TANGO6: variants seen among roughly 807,000 people sequenced by gnomAD.
TANGO6 encodes the protein transport and Golgi organization protein 6 homolog.
TANGO6 carries 90 observed loss-of-function variants against 114.2 expected under a neutral mutation model. The ratio of observed to expected loss-of-function variants is 0.79; its 90% CI spans 0.66 to 0.94. The LOEUF is 0.94. Among genes scored for constraint, TANGO6 ranks in the 40% least tolerant of loss-of-function variants. TANGO6 has a pLI of 0.00. For synonymous variants in TANGO6, 477 were observed against 509.8 expected, an observed-to-expected ratio of 0.94 and a Z score of 0.87; for missense variants, 1,274 against 1,315.3, an observed-to-expected ratio of 0.97 and a Z score of 0.49.
chr16:69,028,987 A>G (rs1489414800), intron 16 of TANGO6, among the ~76,000 whole-genome samples: 1 of 152,204 alleles, frequency 6.6e-6, no homozygotes, highest in Non-Finnish European at 1.5e-5. Context: ...ATGAACCTGA[A>G]CAATACCTGA....
At chr16:68,970,378 A>G (rs952750886) in intron 14 of TANGO6, among the ~76,000 whole-genome samples, 8 of 152,094 alleles carry the variant, frequency 5.3e-5, no homozygotes, top group African/African-American at 1.9e-4. Context: ...GGAATAAACA[A>G]CAGTAAGGGC....
At chr16:69,004,227 T>C (rs1169054969) in intron 15 of TANGO6, among the ~76,000 whole-genome samples, 1 of 152,204 alleles carries the variant, frequency 6.6e-6, no homozygotes, top group African/African-American at 2.4e-5. Context: ...TAAATACACG[T>C]AAACACAGCT....
In TANGO6 at chr16:69,019,598, TG is replaced by T. The variant is rs1265693932; in HGVS notation, c.2843-3229del. Among the ~76,000 whole-genome samples the T allele has an allele frequency of 2.0e-5, 3 of 152,358 alleles. No individual in the cohort carries two copies. The East Asian group carries it at 5.8e-4, about 29-fold the overall frequency. ...CAAAGTCATGCTTTCGAGCAACCTC[TG>T]CTTGACTCTGTGACAGCATTTGCCA... On this transcript the variant is annotated intron_variant, in intron 15 of 17. Coordinates refer to ENST00000261778, the MANE Select transcript of TANGO6 (RefSeq NM_024562.2).
intron 3 of TANGO6, 103 bp from the exon 4 acceptor site, chr16:68,866,976 T>A (rs1032642006): frequency 6.8e-5 from 5 of 73,034 alleles, no homozygotes; most frequent in Non-Finnish European, 1.3e-4. Flanking sequence ...CTATTTCTCC[T>A]TTTTTTTTTT....
intron 17 of TANGO6, among the ~76,000 whole-genome samples, chr16:69,061,349 G>A (rs930116267): frequency 3.3e-5 from 5 of 151,972 alleles, no homozygotes; most frequent in African/African-American, 9.7e-5. Flanking sequence ...TGGATCACCT[G>A]AGGGTCAGGA....
intron 9 of TANGO6, among the ~76,000 whole-genome samples, chr16:68,903,343 G>C (rs1342951731): frequency 1.3e-5 from 2 of 152,154 alleles, no homozygotes; most frequent in Non-Finnish European, 2.9e-5. Context: ...TTTTGGCCAG[G>C]CACGGTGGCT....
intron 16 of TANGO6, among the ~76,000 whole-genome samples, chr16:69,027,025 G>A (rs1959513232): frequency 6.6e-6 from 1 of 152,154 alleles, no homozygotes; most frequent in Admixed American, 6.5e-5. Flanking sequence ...ACCATGCCCA[G>A]CTAATTTTTG....
intron 3 of TANGO6, among the ~76,000 whole-genome samples, chr16:68,866,391 A>AG (rs1187490420): frequency 5.3e-5 from 8 of 151,748 alleles, no homozygotes; most frequent in Admixed American, 1.3e-4. Context: ...TGGGAGGCCG[A>AG]GGCGGGTGGA....
intron 15 of TANGO6, among the ~76,000 whole-genome samples, chr16:68,994,744 TA>T (rs200683230): frequency 1.1e-4 from 17 of 149,414 alleles, no homozygotes; most frequent in Middle Eastern, 3.4e-3. Flanking sequence ...CCAGCTAATT[TA>T]AAAAAAAAAA....
chr16:68,883,932 CAG>C (rs1458786926), intron 7 of TANGO6, among the ~76,000 whole-genome samples: 1 of 151,856 alleles, frequency 6.6e-6, no homozygotes, highest in Non-Finnish European at 1.5e-5. Flanking sequence ...TTTTTTGAGA[CAG>C]AGTCTCCCTC....
chr16:69,079,051 T>C lies in TANGO6; in HGVS notation c.3109-4434T>C, dbSNP rs550641067. ...TCTCAAAAATAAAATATAGGCTGGG[T>C]GCAGTGGCTCATGCCTGTAATCCCA... is the stretch of plus-strand genomic sequence containing the variant. On this transcript the variant is annotated intron_variant, in intron 17 of 17. Transcript: ENST00000261778. Among the ~76,000 whole-genome samples, 8 of 151,152 alleles carry C rather than the reference T, an allele frequency of 5.3e-5. No homozygotes were observed. In the South Asian group the frequency reaches 1.7e-3, roughly 32 times the overall value.
intron 7 of TANGO6, among the ~76,000 whole-genome samples, chr16:68,895,643 T>C (rs1962693801): frequency 6.6e-6 from 1 of 152,162 alleles, no homozygotes; most frequent in Non-Finnish European, 1.5e-5. Flanking sequence ...AATATTTGAA[T>C]GAATGAGTGA....
intron 14 of TANGO6, among the ~76,000 whole-genome samples, chr16:68,963,368 C>T (rs569133862): frequency 3.2e-4 from 49 of 152,150 alleles, no homozygotes; most frequent in Non-Finnish European, 4.9e-4. Context: ...CCGCCCACCT[C>T]GGCCTCCCAA....
chr16:68,942,936 G>A lies in TANGO6; in HGVS notation c.2701+12641G>A, dbSNP rs188880585. 3.0e-3 allele frequency among the ~76,000 whole-genome samples: 429 copies of A among 142,356 alleles called. 2 individuals are homozygous for A. Among genetic ancestry groups the A allele is most frequent in the Middle Eastern group, 0.024 (6 of 254 alleles). The allele number at this position is 142,356 out of a possible 152,430, so 93.4% of individuals were successfully genotyped here. On this transcript the variant is annotated intron_variant, in intron 14 of 17. Coordinates refer to ENST00000261778, the MANE Select transcript of TANGO6 (RefSeq NM_024562.2). ...TTTTTTTTTGAGACAGGGTCTGACT[G>A]TCACCCAGGCTGAAGTGCAGTGGCA...
intron 4 of TANGO6, among the ~76,000 whole-genome samples, chr16:68,872,483 G>C (rs1962287722): frequency 6.6e-6 from 1 of 150,962 alleles, no homozygotes; most frequent in Non-Finnish European, 1.5e-5. Flanking sequence ...TGTATTTTTA[G>C]TAGAGACAGC....
intron 4 of TANGO6, among the ~76,000 whole-genome samples, chr16:68,871,906 C>T (rs1962276825): frequency 6.6e-6 from 1 of 152,162 alleles, no homozygotes; most frequent in African/African-American, 2.4e-5. Flanking sequence ...AGGCGTGAAC[C>T]ACTGTGCCTG....
At chr16:69,075,654 ATGT>A (rs1367270976) in intron 17 of TANGO6, among the ~76,000 whole-genome samples, 1 of 150,962 alleles carries the variant, frequency 6.6e-6, no homozygotes, top group East Asian at 2.0e-4. Context: ...GGGTTTCACC[ATGT>A]TGTTCAGGCT....
chr16:69,059,030 C>T (rs1260683359), intron 17 of TANGO6, among the ~76,000 whole-genome samples: 1 of 151,400 alleles, frequency 6.6e-6, no homozygotes, highest in Non-Finnish European at 1.5e-5. Context: ...TCCTCAGCCT[C>T]CTAAGTAGCT....
chr16:68,898,403 A>G (rs1597010790), intron 7 of TANGO6, among the ~76,000 whole-genome samples: 1 of 152,198 alleles, frequency 6.6e-6, no homozygotes, highest in South Asian at 2.1e-4. Flanking sequence ...AAGTGCCTCC[A>G]TGATCTTTAG....
Sources: allele counts gnomAD v4.1 joint callset (sites outside exome capture counted in the v4.1 genomes callset), GRCh38; gene constraint gnomAD v4.1.1; transcripts MANE v1.5; gene names NCBI Gene and HGNC (gene_info 2026-07-23, HGNC 2026-07-21).